Variants in BBX observed in about 807,000 individuals in gnomAD.
BBX encodes the protein BBX high mobility group box domain containing.
In BBX, 30 loss-of-function variants were observed where a neutral mutation model predicts 100.2. The ratio of observed to expected loss-of-function variants is 0.30; its 90% CI spans 0.22 to 0.41. The LOEUF (loss-of-function observed/expected upper bound fraction) is 0.41. Ranked by LOEUF, BBX falls within the 10% of genes least tolerant of loss-of-function variation. The pLI, the probability that BBX is intolerant of heterozygous loss-of-function variation, is 1.00. For missense variants in BBX, 1,023 were observed against 1,129.8 expected, an observed-to-expected ratio of 0.91 and a Z score of 1.35; for synonymous variants, 376 against 388.1, an observed-to-expected ratio of 0.97 and a Z score of 0.37.
chr3:107,718,948 C>A (rs1225789999), intron 5 of BBX, among the ~76,000 whole-genome samples: 1 of 152,016 alleles, frequency 6.6e-6, no homozygotes, highest in Non-Finnish European at 1.5e-5. Context: ...GATCTCTAGT[C>A]GTAAGTGATT....
At chr3:107,736,717 G>A (rs2063656662) in intron 7 of BBX, among the ~76,000 whole-genome samples, 1 of 152,064 alleles carries the variant, frequency 6.6e-6, no homozygotes, top group Non-Finnish European at 1.5e-5. Flanking sequence ...TTCAGATTGT[G>A]GAAGGGGCAG....
At chr3:107,553,808 C>T (rs1050776260) in intron 2 of BBX, among the ~76,000 whole-genome samples, 2 of 152,120 alleles carry the variant, frequency 1.3e-5, no homozygotes, top group Admixed American at 6.5e-5. Context: ...TCAACTTATG[C>T]ATATTTTATT....
At chr3:107,667,781 T>A (rs540210673) in intron 3 of BBX, among the ~76,000 whole-genome samples, 1 of 152,028 alleles carries the variant, frequency 6.6e-6, no homozygotes, top group Non-Finnish European at 1.5e-5. Flanking sequence ...AAAAATAGAT[T>A]TATCTATATT....
intron 13 of BBX, among the ~76,000 whole-genome samples, chr3:107,780,902 G>C (rs1391417372): frequency 6.6e-6 from 1 of 151,892 alleles, no homozygotes; most frequent in African/African-American, 2.4e-5. Flanking sequence ...CAAACATTGT[G>C]TATGAGATCA....
chr3:107,729,028 C>A lies in BBX; in HGVS notation c.601+68C>A. ...CAATACATTTCGGCAGCATTTTAAACAATACTGAGGGCGGGGGGACAAAAT... is the reference window on the plus strand; with the variant it reads ...CAATACATTTCGGCAGCATTTTAAAAAATACTGAGGGCGGGGGGACAAAAT... On this transcript the variant is annotated intron_variant, in intron 6 of 17. Coordinates refer to ENST00000325805, the MANE Select transcript of BBX (RefSeq NM_001142568.3). 3 of 1,513,716 alleles carry A rather than the reference C, an allele frequency of 2.0e-6. No individual in the cohort carries two copies. The Admixed American group carries it at 5.9e-5, about 30-fold the overall frequency. 93.8% of individuals were successfully genotyped at this position (1,513,716 alleles called of 1,614,324 possible).
intron 2 of BBX, among the ~76,000 whole-genome samples, chr3:107,569,478 G>A (rs2051179875): frequency 6.6e-6 from 1 of 152,162 alleles, no homozygotes; most frequent in East Asian, 1.9e-4. Context: ...AGCCAGTAAA[G>A]GGAGATAGGG....
intron 3 of BBX, among the ~76,000 whole-genome samples, chr3:107,650,395 C>T (rs982271244): frequency 1.3e-5 from 2 of 152,048 alleles, no homozygotes; most frequent in Non-Finnish European, 2.9e-5. Flanking sequence ...ATCCCCCCCA[C>T]CTCCCCTACC....
intron 2 of BBX, among the ~76,000 whole-genome samples, chr3:107,607,655 G>T (rs2054550653): frequency 6.6e-6 from 1 of 152,152 alleles, no homozygotes; most frequent in Non-Finnish European, 1.5e-5. Flanking sequence ...CATAGTGGTT[G>T]TACTGATTTA....
chr3:107,592,866 G>GT (rs983096537), intron 2 of BBX, among the ~76,000 whole-genome samples: 12 of 152,064 alleles, frequency 7.9e-5, no homozygotes, highest in African/African-American at 1.2e-4. Flanking sequence ...TGGAAGAGTG[G>GT]TTTTTTTAAG....
intron 2 of BBX, among the ~76,000 whole-genome samples, chr3:107,604,261 T>C (rs2054271455): frequency 6.6e-6 from 1 of 152,326 alleles, no homozygotes; most frequent in South Asian, 2.1e-4. Context: ...TTTTGGGTAC[T>C]GTTTGTATCT....
At chr3:107,552,362 AAAAAAAAAAAAG>A (rs1296180134) in intron 2 of BBX, among the ~76,000 whole-genome samples, 2 of 113,488 alleles carry the variant, frequency 1.8e-5, no homozygotes, top group Non-Finnish European at 3.7e-5. Context: ...AAAAAAAAAA[AAAAAAAAAAAAG>A]GGATTGCTCT....
At chr3:107,598,032 T>G (rs772366836) in intron 2 of BBX, among the ~76,000 whole-genome samples, 3 of 152,152 alleles carry the variant, frequency 2.0e-5, no homozygotes, top group Non-Finnish European at 4.4e-5. Flanking sequence ...TAGGAGAGGG[T>G]ACTTGGAAAA....
chr3:107,805,346 C>T (rs767857671), intron 17 of BBX, 24 bp from the exon 18 acceptor site: 3 of 1,597,964 alleles, frequency 1.9e-6, no homozygotes, highest in South Asian at 1.1e-5. Flanking sequence ...GAATAAGTGA[C>T]TTTTTCTTCC....
chr3:107,757,944 T>A (rs905568636), intron 10 of BBX, among the ~76,000 whole-genome samples: 1 of 152,296 alleles, frequency 6.6e-6, no homozygotes, highest in Admixed American at 6.5e-5. Flanking sequence ...CACACCCATC[T>A]CGGGATTTCT....
At chr3:107,675,124 TTAATCTGA>T (rs2059216260) in intron 3 of BBX, among the ~76,000 whole-genome samples, 1 of 152,164 alleles carries the variant, frequency 6.6e-6, no homozygotes, top group Admixed American at 6.5e-5. Context: ...TCAACTGCCA[TTAATCTGA>T]TAGGAAGATC....
chr3:107,707,375 A>G (rs767187804), intron 3 of BBX, among the ~76,000 whole-genome samples: 1 of 152,208 alleles, frequency 6.6e-6, no homozygotes, highest in East Asian at 1.9e-4. Flanking sequence ...TCTTGAAGCT[A>G]TCCTGGAGAA....
At chr3:107,593,075 G>A (rs533718452) in intron 2 of BBX, among the ~76,000 whole-genome samples, 14 of 152,256 alleles carry the variant, frequency 9.2e-5, no homozygotes, top group Admixed American at 2.6e-4. Flanking sequence ...TAACACCCTC[G>A]TTGGGAGTTC....
chr3:107,598,572 T>C, intron 2 of BBX, among the ~76,000 whole-genome samples: 1 of 152,264 alleles, frequency 6.6e-6, no homozygotes, highest in African/African-American at 2.4e-5. Flanking sequence ...GGTGTCAGTT[T>C]ATAAAATTAC....
rs528269592 is a variant in BBX, at chr3:107,797,672, G to C, written c.2354-851G>C. Reference sequence around the variant, plus strand: ...CTTACTTTTAAGTTAAGGTCAGGAGGGGGTAAACTGCTAAGAAAATGAGTA... The same window carrying C: ...CTTACTTTTAAGTTAAGGTCAGGAGCGGGTAAACTGCTAAGAAAATGAGTA... On this transcript the variant is annotated intron_variant, in intron 15 of 17. Transcript: ENST00000325805. Among the ~76,000 whole-genome samples the C allele has an allele frequency of 2.9e-3, 438 of 152,026 alleles. 1 individual carries two copies. Among genetic ancestry groups the C allele is most frequent in the Non-Finnish European group, 5.2e-3 (351 of 67,950 alleles).
Sources: allele counts gnomAD v4.1 joint callset (sites outside exome capture counted in the v4.1 genomes callset), GRCh38; gene constraint gnomAD v4.1.1; transcripts MANE v1.5; gene names NCBI Gene and HGNC (gene_info 2026-07-23, HGNC 2026-07-21).